Variants in MAML3 observed in about 807,000 individuals in gnomAD.
The protein encoded by MAML3 is mastermind like transcriptional coactivator 3, also known as mastermind-like protein 3.
MAML3 carries 27 observed loss-of-function variants against 101.9 expected under a neutral mutation model. The ratio of observed to expected loss-of-function variants is 0.27; its 90% CI spans 0.20 to 0.37. The LOEUF (loss-of-function observed/expected upper bound fraction) is 0.37. Among genes scored for constraint, MAML3 ranks in the 10% least tolerant of loss-of-function variants. The pLI is 1.00. For missense variants in MAML3, 1,316 were observed against 1,444.9 expected, an observed-to-expected ratio of 0.91 and a Z score of 1.45; for synonymous variants, 501 against 555.9, an observed-to-expected ratio of 0.90 and a Z score of 1.39.
intron 2 of MAML3, among the ~76,000 whole-genome samples, chr4:139,768,619 G>A (rs1357429839): frequency 6.6e-6 from 1 of 152,196 alleles, no homozygotes; most frequent in Non-Finnish European, 1.5e-5. Flanking sequence ...TTCTACTAAT[G>A]TTCAGGAAAT....
intron 2 of MAML3, among the ~76,000 whole-genome samples, chr4:139,764,130 A>AT (rs1347722284): frequency 6.6e-6 from 1 of 152,208 alleles, no homozygotes; most frequent in African/African-American, 2.4e-5. Flanking sequence ...TCAATATATT[A>AT]TTTTTTAATA....
rs866898975 is a variant in MAML3, at chr4:139,720,105, T to C, written c.2635A>G (p.Thr879Ala). 9.9e-6 allele frequency: 16 copies of C among 1,613,984 alleles called. 1 individual carries two copies. The African/African-American group carries it at 1.3e-4, about 13-fold the overall frequency. ...TGGTTTGGATGCTGCAACATTTGGGTCATGCCTGTGCTCATATTGTACATT... is the reference window on the plus strand; with the variant it reads ...TGGTTTGGATGCTGCAACATTTGGGCCATGCCTGTGCTCATATTGTACATT... ...PGMYNMSTGM[T>A]QMLQHPNQSG... Residue 879 changes from threonine to alanine, a missense_variant, in exon 5 of 5, where the codon ACC becomes GCC. Thr to Ala is a moderately conservative substitution (Grantham distance 58). Coordinates refer to ENST00000509479, the MANE Select transcript of MAML3 (RefSeq NM_018717.5).
intron 1 of MAML3, among the ~76,000 whole-genome samples, chr4:140,150,020 T>G (rs1438725150): frequency 7.0e-6 from 1 of 143,056 alleles, no homozygotes; most frequent in Admixed American, 7.3e-5. Context: ...TTCATCACAC[T>G]CATCACACAT....
intron 2 of MAML3, among the ~76,000 whole-genome samples, chr4:139,781,218 C>T (rs1730199227): frequency 2.0e-5 from 3 of 152,100 alleles, no homozygotes; most frequent in African/African-American, 7.2e-5. Flanking sequence ...AACCCAGAAA[C>T]ACTCTACAAC....
intron 2 of MAML3, among the ~76,000 whole-genome samples, chr4:139,780,690 G>A (rs952332470): frequency 6.6e-6 from 1 of 150,884 alleles, no homozygotes; most frequent in Non-Finnish European, 1.5e-5. Context: ...GAGTGCAGTG[G>A]CACCATCTCG....
intron 1 of MAML3, among the ~76,000 whole-genome samples, chr4:140,103,956 C>T (rs1728293074): frequency 6.6e-6 from 1 of 152,140 alleles, no homozygotes; most frequent in South Asian, 2.1e-4. Context: ...CAAACCACCC[C>T]ATCCTATTGT....
rs957293216 is a variant in MAML3, at chr4:139,730,735, C to G, written c.2080-68G>C. On this transcript the variant is annotated intron_variant, in intron 2 of 4. Transcript: ENST00000509479. ...AGACTCACTGCTGTTTGAAGGGAAGCCCCTGGAAAAAGGGAACGGGGCAGA... is the reference window on the plus strand; with the variant it reads ...AGACTCACTGCTGTTTGAAGGGAAGGCCCTGGAAAAAGGGAACGGGGCAGA... The G allele has an allele frequency of 5.7e-5, 83 of 1,455,668 alleles. No homozygotes were observed. In the African/African-American group the frequency reaches 9.3e-4, roughly 16 times the overall value. 90.2% of individuals were successfully genotyped at this position (1,455,668 alleles called of 1,614,324 possible).
intron 1 of MAML3, among the ~76,000 whole-genome samples, chr4:140,087,171 C>T (rs1466003249): frequency 1.3e-5 from 2 of 152,126 alleles, no homozygotes; most frequent in African/African-American, 4.8e-5. Flanking sequence ...AAAGAAAATA[C>T]AAAACATTCT....
intron 2 of MAML3, among the ~76,000 whole-genome samples, chr4:139,862,508 A>G (rs11731414): frequency 0.55 from 83,387 of 152,054 alleles, 25,728 homozygotes; most frequent in African/African-American, 0.83. Flanking sequence ...ATTCAGCTCA[A>G]ATATCTCTTC....
chr4:139,879,960 C>T (rs28631553), intron 2 of MAML3, among the ~76,000 whole-genome samples: 3,840 of 152,112 alleles, frequency 0.025, 56 homozygotes, highest in Middle Eastern at 0.079. Context: ...ATTGCCTGAG[C>T]TTAGGAGTTT....
intron 2 of MAML3, among the ~76,000 whole-genome samples, chr4:139,814,154 T>C (rs999283596): frequency 3.3e-5 from 5 of 152,010 alleles, no homozygotes; most frequent in Non-Finnish European, 7.4e-5. Flanking sequence ...TGTGGGTAGG[T>C]CTCCCTGTTC....
chr4:139,849,788 C>T (rs896387150), intron 2 of MAML3, among the ~76,000 whole-genome samples: 3 of 152,110 alleles, frequency 2.0e-5, no homozygotes, highest in Non-Finnish European at 4.4e-5. Flanking sequence ...TTTTATGGTT[C>T]ATTTGTGGAT....
intron 2 of MAML3, among the ~76,000 whole-genome samples, chr4:139,736,646 A>T (rs988617254): frequency 6.6e-6 from 1 of 152,228 alleles, no homozygotes; most frequent in Non-Finnish European, 1.5e-5. Flanking sequence ...ATGAGTAACT[A>T]AAAATTAGGG....
At chr4:139,893,779 T>C (rs1358125296) in intron 1 of MAML3, among the ~76,000 whole-genome samples, 3 of 152,184 alleles carry the variant, frequency 2.0e-5, no homozygotes, top group Non-Finnish European at 4.4e-5. Context: ...TTATCAATTA[T>C]AAACCTAACT....
chr4:139,958,831 A>T (rs10023434), intron 1 of MAML3, among the ~76,000 whole-genome samples: 1 of 152,096 alleles, frequency 6.6e-6, no homozygotes, highest in Non-Finnish European at 1.5e-5. Flanking sequence ...ATAATACTCT[A>T]TTGTCCTTCA....
At chr4:140,137,143 C>T (rs1358427829) in intron 1 of MAML3, among the ~76,000 whole-genome samples, 4 of 152,204 alleles carry the variant, frequency 2.6e-5, no homozygotes, top group Non-Finnish European at 4.4e-5. Flanking sequence ...CGCCCGCCAC[C>T]GCGCCCGGCT....
chr4:139,872,219 AT>A (rs540890560), intron 2 of MAML3, among the ~76,000 whole-genome samples: 2 of 152,086 alleles, frequency 1.3e-5, no homozygotes, highest in African/African-American at 4.8e-5. Context: ...TTTAAAAAAA[AT>A]TTTTTAATCC....
intron 2 of MAML3, among the ~76,000 whole-genome samples, chr4:139,753,841 G>T (rs1220690235): frequency 6.6e-6 from 1 of 152,160 alleles, no homozygotes; most frequent in East Asian, 1.9e-4. Context: ...CACGGGTATG[G>T]CTGGCCCTCA....
chr4:139,967,765 T>C (rs1734163127), intron 1 of MAML3, among the ~76,000 whole-genome samples: 1 of 152,144 alleles, frequency 6.6e-6, no homozygotes, highest in African/African-American at 2.4e-5. Flanking sequence ...GGAAACAGCC[T>C]CCCTGCCTCT....
Sources: allele counts gnomAD v4.1 joint callset (sites outside exome capture counted in the v4.1 genomes callset), GRCh38; gene constraint gnomAD v4.1.1; transcripts MANE v1.5; gene names NCBI Gene and HGNC (gene_info 2026-07-23, HGNC 2026-07-21).